GPT2: variants seen among roughly 807,000 people sequenced by gnomAD.
GPT2 encodes the protein alanine aminotransferase 2.
In GPT2, 30 loss-of-function variants were observed where a neutral mutation model predicts 56.9. That is an observed-to-expected ratio of 0.53 (90% confidence interval 0.39 to 0.72). The LOEUF is 0.72. Ranked by LOEUF, GPT2 falls within the 30% of genes least tolerant of loss-of-function variation. GPT2 has a pLI of 0.00. For missense variants in GPT2, 542 were observed against 703.4 expected (o/e 0.77, Z 2.60); for synonymous variants, 271 against 283.1 (o/e 0.96, Z 0.43).
chr16:46,926,114 G>A (rs1447409078), intron 10 of GPT2, among the ~76,000 whole-genome samples: 3 of 122,980 alleles, frequency 2.4e-5, no homozygotes, highest in Non-Finnish European at 4.8e-5. Flanking sequence ...CTGGGCGACA[G>A]AGTGAGACTC....
chr16:46,918,168 G>A (rs1039288653), intron 7 of GPT2, among the ~76,000 whole-genome samples: 2 of 152,370 alleles, frequency 1.3e-5, no homozygotes, highest in African/African-American at 4.8e-5. Flanking sequence ...GATTCCACTC[G>A]AGTGGGGGGT....
rs1961299061 is a variant in GPT2 at position 46,922,120 on chromosome 16, C to T, written c.1038-122C>T. On this transcript the variant is annotated intron_variant, in intron 8 of 11. Transcript: ENST00000340124. ...GTTGTTCACCTTCCATTGGCAAGAA[C>T]TCAGCCACACCTGGCCATTTGGTGT... 2.7e-5 allele frequency: 23 copies of T among 850,338 alleles called. 1 individual carries two copies. In the South Asian group the frequency reaches 3.5e-4, roughly 13 times the overall value. 52.7% of individuals were successfully genotyped at this position (850,338 alleles called of 1,614,324 possible).
intron 2 of GPT2, among the ~76,000 whole-genome samples, chr16:46,889,853 C>G (rs73545730): frequency 6.6e-6 from 1 of 152,152 alleles, no homozygotes; most frequent in African/African-American, 2.4e-5. Context: ...TGCTGAAGGT[C>G]GCTTGTCTTT....
chr16:46,928,276 T>G (rs1056200160), intron 11 of GPT2, among the ~76,000 whole-genome samples: 5 of 150,896 alleles, frequency 3.3e-5, no homozygotes, highest in African/African-American at 4.9e-5. Flanking sequence ...TGCAGTGAGC[T>G]ATGATCACTC....
At chr16:46,903,028 C>T (rs2143433492) in intron 4 of GPT2, among the ~76,000 whole-genome samples, 1 of 152,180 alleles carries the variant, frequency 6.6e-6, no homozygotes. Context: ...GCAGGTTGAT[C>T]ACCTGAGGTC....
intron 5 of GPT2, among the ~76,000 whole-genome samples, chr16:46,907,431 G>A (rs908821565): frequency 1.3e-5 from 2 of 152,224 alleles, no homozygotes; most frequent in African/African-American, 4.8e-5. Flanking sequence ...GGTGTTATGG[G>A]AAGGAGCAGT....
chr16:46,927,232 T>C (rs1223958013), intron 11 of GPT2, among the ~76,000 whole-genome samples, 195 bp downstream of exon 11: 1 of 152,204 alleles, frequency 6.6e-6, no homozygotes, highest in Non-Finnish European at 1.5e-5. Context: ...TGGGTGGTTG[T>C]CTGCTCAGGG....
Position 46,909,931 on chromosome 16 carries a change from T to C in GPT2, c.820+4T>C, listed in dbSNP as rs1253193743. Reference sequence around the variant, plus strand: ...ATCAACCCTGGGAACCCCACAGGTCTGCACTTTACTTCCTCACCAGTTTCG... The same window carrying C: ...ATCAACCCTGGGAACCCCACAGGTCCGCACTTTACTTCCTCACCAGTTTCG... On this transcript the variant is annotated splice_donor_region_variant and intron_variant, in intron 6 of 11. Transcript: ENST00000340124. The C allele has an allele frequency of 1.3e-6, 2 of 1,592,386 alleles. No individual in the cohort carries two copies. The highest frequency in any genetic ancestry group is 1.7e-6 in the Non-Finnish European group (2 of 1,165,256).
chr16:46,919,601 G>A (rs1468898173), intron 8 of GPT2, among the ~76,000 whole-genome samples: 2 of 152,246 alleles, frequency 1.3e-5, no homozygotes, highest in Non-Finnish European at 2.9e-5. Flanking sequence ...GGGCACGGGG[G>A]CAGTGGCAGG....
intron 3 of GPT2, among the ~76,000 whole-genome samples, chr16:46,897,938 G>T (rs955908394): frequency 6.6e-6 from 1 of 152,224 alleles, no homozygotes; most frequent in African/African-American, 2.4e-5. Flanking sequence ...TGGTGTAGGA[G>T]CCTCCCAGGG....
Position 46,928,910 on chromosome 16 carries a change from G to A in GPT2, c.1485G>A (p.Met495Ile), listed in dbSNP as rs1961473067. The A allele has an allele frequency of 6.2e-7, 1 of 1,612,954 alleles. No homozygotes were observed. Among genetic ancestry groups the A allele is most frequent in the Admixed American group, 1.7e-5 (1 of 59,990 alleles). ...ACACTGTTGTCTCTCCTGCCAGGAT[G>A]ACTATCCTCCCTCCAGTGGAGAAGC... ...GQREGTYHFR[M>I]TILPPVEKLK... The change falls in exon 12 of 12, where the codon ATG becomes ATA. Residue 495 changes from methionine (M) to isoleucine (I), a missense_variant. Met to Ile is a conservative substitution (Grantham distance 10). Transcript: ENST00000340124.
intron 2 of GPT2, among the ~76,000 whole-genome samples, chr16:46,891,736 A>G (rs1053217515): frequency 1.3e-5 from 2 of 151,716 alleles, no homozygotes; most frequent in African/African-American, 4.8e-5. Context: ...TGAGGTATCC[A>G]TCCCCTCCAG....
chr16:46,888,103 G>A (rs1960520077), intron 2 of GPT2, among the ~76,000 whole-genome samples: 1 of 152,218 alleles, frequency 6.6e-6, no homozygotes, highest in Non-Finnish European at 1.5e-5. Context: ...TTGGGGATTG[G>A]TACAAGTGGA....
intron 6 of GPT2, among the ~76,000 whole-genome samples, chr16:46,913,385 A>T (rs1961081077): frequency 6.6e-6 from 1 of 152,250 alleles, no homozygotes; most frequent in African/African-American, 2.4e-5. Context: ...GGGCAAGACC[A>T]GGAGGAATTA....
chr16:46,891,913 C>G (rs1049564148), intron 2 of GPT2, among the ~76,000 whole-genome samples: 2 of 150,982 alleles, frequency 1.3e-5, no homozygotes, highest in Non-Finnish European at 2.9e-5. Flanking sequence ...TCCCCACCCA[C>G]CCCTACTGCC....
chr16:46,897,539 G>A, intron 2 of GPT2, 109 bp from the exon 3 acceptor site: 1 of 955,994 alleles, frequency 1.0e-6, no homozygotes, highest in South Asian at 1.5e-5. Context: ...TACTTGGTAA[G>A]CCTCAAAATA....
At position 46,900,703 on chromosome 16, in the gene GPT2, C is replaced by G. The variant is rs536090312; in HGVS notation, c.355C>G (p.Pro119Ala). Residue 119 changes from proline to alanine, a missense_variant, in exon 4 of 12, where the codon CCA becomes GCA. By Grantham distance (27) the Pro-to-Ala change is conservative. Coordinates refer to ENST00000340124, the MANE Select transcript of GPT2 (RefSeq NM_133443.4). ...LRQVMALCTY[P>A]NLLDSPSFPE... ...CCAGGTGATGGCACTATGCACCTAC[C>G]CAAACCTGCTGGACAGCCCCAGCTT... 1 of 1,613,972 alleles carries G rather than the reference C, an allele frequency of 6.2e-7. No individual in the cohort carries two copies. Among genetic ancestry groups the G allele is most frequent in the African/African-American group, 1.3e-5 (1 of 75,036 alleles).
intron 10 of GPT2, among the ~76,000 whole-genome samples, chr16:46,926,063 G>A (rs1218430427): frequency 6.7e-6 from 1 of 148,898 alleles, no homozygotes; most frequent in African/African-American, 2.5e-5. Flanking sequence ...CCCGGGAGCT[G>A]GAGGTTGTAG....
At chr16:46,906,041 T>C (rs1960918206) in intron 4 of GPT2, among the ~76,000 whole-genome samples, 1 of 152,160 alleles carries the variant, frequency 6.6e-6, no homozygotes, top group Non-Finnish European at 1.5e-5. Context: ...CCTGGGTGCC[T>C]GGGGCTGGCC....
Sources: gnomAD v4.1 joint callset for allele counts (sites outside exome capture counted in the v4.1 genomes callset) on GRCh38, gnomAD v4.1.1 for gene constraint, MANE v1.5 for transcripts, NCBI Gene and HGNC (gene_info 2026-07-23, HGNC 2026-07-21) for gene names.